Variants in TSNARE1 observed in about 807,000 individuals in gnomAD.
TSNARE1 encodes the protein t-SNARE domain containing 1.
A neutral mutation model predicts 62.0 loss-of-function variants in TSNARE1; 49 were observed. The observed-to-expected ratio is 0.79, with a 90% CI of 0.63 to 1.00. The LOEUF (loss-of-function observed/expected upper bound fraction) is 1.00. Ranked by LOEUF, TSNARE1 falls within the 50% of genes least tolerant of loss-of-function variation. The pLI, the probability that TSNARE1 is intolerant of heterozygous loss-of-function variation, is 0.00. For synonymous variants in TSNARE1, 328 were observed against 294.4 expected (o/e 1.11, Z -1.17); for missense variants, 755 against 700.1 (o/e 1.08, Z -0.88).
chr8:142,212,602 C>T, intron 13 of TSNARE1, among the ~76,000 whole-genome samples: 1 of 152,050 alleles, frequency 6.6e-6, no homozygotes, highest in East Asian at 1.9e-4. Flanking sequence ...TGGCCGCATC[C>T]ATGTGCCCAG....
intron 1 of TSNARE1, among the ~76,000 whole-genome samples, chr8:142,372,108 T>C (rs1835957799): frequency 6.6e-6 from 1 of 152,162 alleles, no homozygotes; most frequent in East Asian, 1.9e-4. Flanking sequence ...TTGGCAGACA[T>C]TAACCTTGAG....
intron 1 of TSNARE1, among the ~76,000 whole-genome samples, chr8:142,373,312 C>A (rs1298009728): frequency 1.3e-5 from 2 of 152,158 alleles, no homozygotes; most frequent in East Asian, 3.9e-4. Flanking sequence ...ATGCTGCCAC[C>A]CTCAAAGGAC....
At chr8:142,293,468 G>A in intron 10 of TSNARE1, among the ~76,000 whole-genome samples, 1 of 152,244 alleles carries the variant, frequency 6.6e-6, no homozygotes, top group East Asian at 1.9e-4. Context: ...CCTGAGGCCA[G>A]CAGAGGCTGG....
chr8:142,334,927 A>C (rs1339433700), intron 4 of TSNARE1, among the ~76,000 whole-genome samples: 1 of 152,244 alleles, frequency 6.6e-6, no homozygotes, highest in African/African-American at 2.4e-5. Context: ...AAGTACAGGA[A>C]ATGTTAGAAG....
chr8:142,282,724 G>GTT (rs1821808086), intron 11 of TSNARE1, among the ~76,000 whole-genome samples: 1 of 149,278 alleles, frequency 6.7e-6, no homozygotes, highest in Admixed American at 6.6e-5. Context: ...ATGAGCGGAG[G>GTT]GGAGGCCACT....
intron 9 of TSNARE1, among the ~76,000 whole-genome samples, chr8:142,311,660 T>A (rs1827646212): frequency 6.6e-6 from 1 of 152,192 alleles, no homozygotes; most frequent in Non-Finnish European, 1.5e-5. Flanking sequence ...TGACTTGAAG[T>A]ATTTGGACAG....
chr8:142,234,651 G>T (rs1586808313), intron 12 of TSNARE1, among the ~76,000 whole-genome samples: 3 of 152,346 alleles, frequency 2.0e-5, no homozygotes, highest in Admixed American at 2.0e-4. Context: ...AGCCTCTGCA[G>T]CTCCCTGTCC....
chr8:142,289,050 C>T (rs1005920385), intron 10 of TSNARE1, among the ~76,000 whole-genome samples: 6 of 152,212 alleles, frequency 3.9e-5, no homozygotes, highest in African/African-American at 1.2e-4. Context: ...TTTAGGCGCC[C>T]CTCTCTTTAA....
intron 12 of TSNARE1, among the ~76,000 whole-genome samples, chr8:142,248,530 C>T (rs771922561): frequency 1.3e-5 from 2 of 152,208 alleles, no homozygotes; most frequent in Non-Finnish European, 2.9e-5. Flanking sequence ...GGCCCCCAGA[C>T]GGCAGGAAGT....
intron 11 of TSNARE1, chr8:142,278,575 G>GGGAGGAGGCACGGAGGCGGCA (rs1820879472): frequency 1.0e-6 from 1 of 985,334 alleles, no homozygotes; most frequent in Admixed American, 6.1e-5. Flanking sequence ...GAGGTGCGGT[G>GGGAGGAGGCACGGAGGCGGCA]GGAGGAGGCA....
At chr8:142,221,749 TCACTCATTCAC>T (rs1816236377) in intron 13 of TSNARE1, among the ~76,000 whole-genome samples, 1 of 51,672 alleles carries the variant, frequency 1.9e-5, no homozygotes, top group Non-Finnish European at 4.2e-5. Flanking sequence ...ACTCACTCAC[TCACTCATTCAC>T]TCACTCACTC....
Position 142,314,960 on chromosome 8 carries a change from C to T in TSNARE1, c.1074+43G>A, listed in dbSNP as rs1305371215. On this transcript the variant is annotated intron_variant, in intron 8 of 13. Transcript: ENST00000524325. ...AGTGCTCCGGGAACCGAGGCCGACC[C>T]CACCTGGCCTGCAGACCCCCACTGC... 3 of 1,597,304 alleles carry T rather than the reference C, an allele frequency of 1.9e-6. No homozygotes were observed. In the African/African-American group the frequency reaches 4.0e-5, roughly 21 times the overall value.
chr8:142,398,545 A>C (rs563633786), intron 1 of TSNARE1, among the ~76,000 whole-genome samples: 2 of 151,300 alleles, frequency 1.3e-5, no homozygotes, highest in African/African-American at 4.9e-5. Context: ...CACCGCCTCA[A>C]CCTTGCTCTG....
At chr8:142,325,859 A>G (rs1830138107) in intron 6 of TSNARE1, among the ~76,000 whole-genome samples, 1 of 152,108 alleles carries the variant, frequency 6.6e-6, no homozygotes, top group African/African-American at 2.4e-5. Context: ...AACCAGCACC[A>G]GTGAAGGGGA....
chr8:142,401,852 A>G (rs1838315989), intron 1 of TSNARE1, among the ~76,000 whole-genome samples: 1 of 152,118 alleles, frequency 6.6e-6, no homozygotes. Context: ...CCTGTGATGT[A>G]TGGGGTCGAA....
chr8:142,295,890 C>A (rs537518853), intron 10 of TSNARE1, among the ~76,000 whole-genome samples: 1 of 150,682 alleles, frequency 6.6e-6, no homozygotes, highest in South Asian at 2.1e-4. Flanking sequence ...GGATGAGATG[C>A]TACCTGTGGG....
chr8:142,223,772 G>A (rs1437770413), intron 13 of TSNARE1, among the ~76,000 whole-genome samples: 1 of 152,250 alleles, frequency 6.6e-6, no homozygotes, highest in Non-Finnish European at 1.5e-5. Context: ...GCTTCTGCAG[G>A]TGCAGGGGCT....
intron 13 of TSNARE1, among the ~76,000 whole-genome samples, chr8:142,220,188 G>A (rs930960491): frequency 6.6e-6 from 1 of 152,254 alleles, no homozygotes; most frequent in Non-Finnish European, 1.5e-5. Flanking sequence ...ACACCGGGTG[G>A]GCTGCAGGCC....
At chr8:142,261,052 A>G in intron 12 of TSNARE1, among the ~76,000 whole-genome samples, 4 of 106,614 alleles carry the variant, frequency 3.8e-5, no homozygotes, top group African/African-American at 7.3e-5. Context: ...GGAGGAAGGA[A>G]AGAGGGAAGC....
Sources: gnomAD v4.1 joint callset for allele counts (sites outside exome capture counted in the v4.1 genomes callset) on GRCh38, gnomAD v4.1.1 for gene constraint, MANE v1.5 for transcripts, NCBI Gene and HGNC (gene_info 2026-07-23, HGNC 2026-07-21) for gene names.